The following TANC1 variants were observed in gnomAD, a reference collection of about 807,000 sequenced individuals.
TANC1 encodes the protein protein TANC1.
In TANC1, 77 loss-of-function variants were observed where a neutral mutation model predicts 149.7. That is an observed-to-expected ratio of 0.51 (90% CI 0.43 to 0.62). The LOEUF is 0.62. Among genes scored for constraint, TANC1 ranks in the 20% least tolerant of loss-of-function variants. The pLI is 0.00. For missense variants in TANC1, 1,985 were observed against 2,321.8 expected, an observed-to-expected ratio of 0.85 and a Z score of 2.98; for synonymous variants, 854 against 925.0, an observed-to-expected ratio of 0.92 and a Z score of 1.39.
chr2:159,152,962 GC>G (rs2053014537), intron 7 of TANC1, among the ~76,000 whole-genome samples: 2 of 151,692 alleles, frequency 1.3e-5, no homozygotes, highest in Non-Finnish European at 2.9e-5. Flanking sequence ...ATCTCATACA[GC>G]CCTACCCAGT....
intron 1 of TANC1, among the ~76,000 whole-genome samples, chr2:158,994,485 G>T (rs75763127): frequency 0.019 from 2,817 of 152,186 alleles, 30 homozygotes; most frequent in Middle Eastern, 0.048. Context: ...GCCTAGGCTG[G>T]TCTACAGTGC....
Position 159,231,138 on chromosome 2 carries a change from C to A in TANC1, c.*126C>A. On this transcript the variant is annotated 3_prime_UTR_variant, in exon 27 of 27. Coordinates refer to ENST00000263635, the MANE Select transcript of TANC1 (RefSeq NM_033394.3). Reference sequence around the variant, plus strand: ...TTTTTTCTTTGGGGTGGATCTGATGCCATTGATATATCTAAAATGTGGGAT... The same window carrying A: ...TTTTTTCTTTGGGGTGGATCTGATGACATTGATATATCTAAAATGTGGGAT... 1.5e-6 allele frequency: 1 copy of A among 679,750 alleles called. No individual in the cohort carries two copies. Among genetic ancestry groups the A allele is most frequent in the Non-Finnish European group, 2.5e-6 (1 of 407,078 alleles). 42.1% of individuals were successfully genotyped at this position (679,750 alleles called of 1,614,324 possible). A position where few individuals can be genotyped will look rare whatever the true frequency, so the allele number is the denominator to read the frequency against.
At chr2:159,136,374 G>C in intron 5 of TANC1, 76 bp downstream of exon 5, 1 of 880,210 alleles carries the variant, frequency 1.1e-6, no homozygotes, top group Non-Finnish European at 1.9e-6. Context: ...AATGAAACTT[G>C]AGTGTCCTTG....
chr2:158,988,152 C>T (rs1030066342), intron 1 of TANC1, among the ~76,000 whole-genome samples: 3 of 151,384 alleles, frequency 2.0e-5, no homozygotes, highest in Admixed American at 6.6e-5. Flanking sequence ...GTGAAACCCC[C>T]GTCTCTATTA....
rs1037191809 is a variant in TANC1 at position 159,162,745 on chromosome 2, C to T, written c.683-538C>T. Among the ~76,000 whole-genome samples the T allele has an allele frequency of 2.6e-5, 4 of 152,136 alleles. 1 individual carries two copies. Among genetic ancestry groups the T allele is most frequent in the African/African-American group, 9.7e-5 (4 of 41,426 alleles). On this transcript the variant is annotated intron_variant, in intron 7 of 26. Coordinates refer to ENST00000263635, the MANE Select transcript of TANC1 (RefSeq NM_033394.3). ...TAATAAGTCAGTCTCTCTGGATCAT[C>T]TTGAATAGATGTTATAAGCTTTAAG...
chr2:159,012,368 C>T (rs762982580), intron 2 of TANC1, among the ~76,000 whole-genome samples: 18 of 152,084 alleles, frequency 1.2e-4, no homozygotes, highest in African/African-American at 1.9e-4. Flanking sequence ...ATGATTGTGC[C>T]GATAGCAATG....
chr2:159,160,972 C>T (rs912117705), intron 7 of TANC1, among the ~76,000 whole-genome samples: 1 of 152,238 alleles, frequency 6.6e-6, no homozygotes, highest in Non-Finnish European at 1.5e-5. Flanking sequence ...GTTACCCCTC[C>T]GCCCCCTCTC....
At chr2:159,167,427 C>G (rs2054716097) in intron 8 of TANC1, among the ~76,000 whole-genome samples, 1 of 152,146 alleles carries the variant, frequency 6.6e-6, no homozygotes, top group South Asian at 2.1e-4. Context: ...TTTATACACC[C>G]TACTTATGAA....
intron 19 of TANC1, among the ~76,000 whole-genome samples, chr2:159,213,767 A>C (rs1372272913): frequency 2.0e-5 from 3 of 152,140 alleles, no homozygotes; most frequent in African/African-American, 7.2e-5. Context: ...CACTATTATG[A>C]GACTGCCCAG....
intron 2 of TANC1, among the ~76,000 whole-genome samples, chr2:159,022,771 G>A (rs1386028837): frequency 6.6e-6 from 1 of 152,068 alleles, no homozygotes; most frequent in African/African-American, 2.4e-5. Flanking sequence ...AGTGGAGGTG[G>A]CCTGGAGAAG....
chr2:159,048,194 T>C (rs2041213857), intron 2 of TANC1, among the ~76,000 whole-genome samples: 1 of 152,202 alleles, frequency 6.6e-6, no homozygotes, highest in Admixed American at 6.5e-5. Flanking sequence ...CACCTTGTTT[T>C]GAGTTGTTTC....
chr2:159,088,313 C>T (rs2149835629), intron 3 of TANC1, among the ~76,000 whole-genome samples: 1 of 152,196 alleles, frequency 6.6e-6, no homozygotes, highest in African/African-American at 2.4e-5. Flanking sequence ...TTTATCTTGT[C>T]CTTATTTCTT....
intron 16 of TANC1, among the ~76,000 whole-genome samples, chr2:159,191,563 C>T (rs1429052703): frequency 6.6e-6 from 1 of 152,134 alleles, no homozygotes; most frequent in East Asian, 1.9e-4. Context: ...GGGAAGGATT[C>T]TGCAGAGAAG....
chr2:158,977,127 C>A (rs894261893), intron 1 of TANC1, among the ~76,000 whole-genome samples: 1 of 151,712 alleles, frequency 6.6e-6, no homozygotes, highest in African/African-American at 2.4e-5. Flanking sequence ...AGCTTCAATA[C>A]GTTTTTAAAA....
intron 1 of TANC1, among the ~76,000 whole-genome samples, chr2:158,972,104 T>A (rs1188730919): frequency 6.6e-6 from 1 of 152,218 alleles, no homozygotes; most frequent in East Asian, 1.9e-4. Flanking sequence ...CAAGAGAGTT[T>A]CAGAAAGTCA....
At chr2:159,190,982 A>G (rs894442197) in intron 16 of TANC1, among the ~76,000 whole-genome samples, 3 of 152,236 alleles carry the variant, frequency 2.0e-5, no homozygotes, top group Admixed American at 6.5e-5. Flanking sequence ...TAATTAAGTC[A>G]TTTGCCTGAA....
intron 2 of TANC1, among the ~76,000 whole-genome samples, chr2:159,039,958 G>T (rs1288266388): frequency 6.6e-6 from 1 of 152,186 alleles, no homozygotes; most frequent in Admixed American, 6.5e-5. Context: ...GGGTGTTAAA[G>T]TCTCCCATTA....
chr2:159,003,954 A>G, intron 2 of TANC1: 1 of 1,612,722 alleles, frequency 6.2e-7, no homozygotes, highest in Non-Finnish European at 8.5e-7. Context: ...GCTGATGACA[A>G]AAAGCTTCAG....
intron 1 of TANC1, among the ~76,000 whole-genome samples, chr2:158,988,967 G>C (rs1190446949): frequency 6.6e-6 from 1 of 152,050 alleles, no homozygotes; most frequent in Non-Finnish European, 1.5e-5. Flanking sequence ...GATCCTTTAG[G>C]GGTCCTGGTC....
Sources: allele counts gnomAD v4.1 joint callset (sites outside exome capture counted in the v4.1 genomes callset), GRCh38; gene constraint gnomAD v4.1.1; transcripts MANE v1.5; gene names NCBI Gene and HGNC (gene_info 2026-07-23, HGNC 2026-07-21).